The following SYT13 variants were observed in gnomAD, a reference collection of about 807,000 sequenced individuals.
SYT13 encodes the protein synaptotagmin 13, also known as synaptotagmin-13.
SYT13 carries 21 observed loss-of-function variants against 38.6 expected under a neutral mutation model. The ratio of observed to expected loss-of-function variants is 0.54; its 90% CI spans 0.39 to 0.78. The LOEUF (loss-of-function observed/expected upper bound fraction) is 0.78, where lower values mean the gene tolerates loss of function less well. SYT13 is among the 30% of genes least tolerant of loss of function. The pLI is 0.00. For synonymous variants in SYT13, 241 were observed against 237.6 expected, an observed-to-expected ratio of 1.01 and a Z score of -0.13; for missense variants, 495 against 548.7, an observed-to-expected ratio of 0.90 and a Z score of 0.98.
intron 1 of SYT13, among the ~76,000 whole-genome samples, chr11:45,265,545 C>T (rs1458135745): frequency 6.6e-6 from 1 of 152,220 alleles, no homozygotes; most frequent in Non-Finnish European, 1.5e-5. Flanking sequence ...AGTCCAAGAT[C>T]AATGAGCTGG....
Position 45,276,434 on chromosome 11 carries a change from G to A in SYT13, c.183+9591C>T, listed in dbSNP as rs139941897. ...ACATTACACACCGGGACCTGTCAGT[G>A]GGTGGGGGACTAGGGGAGGGATAGC... On this transcript the variant is annotated intron_variant, in intron 1 of 5. Coordinates refer to ENST00000020926, the MANE Select transcript of SYT13 (RefSeq NM_020826.3). 3.8e-3 allele frequency among the ~76,000 whole-genome samples: 573 copies of A among 152,252 alleles called. 10 individuals carry two copies. Among genetic ancestry groups the A allele is most frequent in the African/African-American group, 0.013 (559 of 41,544 alleles).
chr11:45,286,064 C>T lies in SYT13; in HGVS notation c.144G>A (p.Leu48=). The part of the protein sequence containing the change: ...GLLPRDQDPD[L]EKAKPSLLGS... ...CGAGCAAGCTGGGCTTCGCCTTCTC[C>T]AGGTCGGGGTCCTGGTCCCGCGGCA... Residue 48 remains leucine (L), a synonymous_variant, in exon 1 of 6, where the codon CTG becomes CTA. Coordinates refer to ENST00000020926, the MANE Select transcript of SYT13 (RefSeq NM_020826.3). 2 of 1,609,842 alleles carry T rather than the reference C, an allele frequency of 1.2e-6. No individual in the cohort carries two copies. The highest frequency in any genetic ancestry group is 1.7e-6 in the Non-Finnish European group (2 of 1,179,590).
At position 45,254,356 on chromosome 11, in the gene SYT13, G is replaced by A; in HGVS notation, c.458C>T (p.Ala153Val). ...CVMETWNPEK[A>V]ASWNQAPKLH... is the part of the protein sequence containing the mutation. ...TTTGGGGGCCTGGTTCCAACTGGCA[G>A]CCTTCTCTGGGTTCCAGGTCTCCAT... Residue 153 changes from alanine (A) to valine (V), a missense_variant, in exon 3 of 6, where the codon GCT (alanine) becomes GTT (valine). Coordinates refer to ENST00000020926, the MANE Select transcript of SYT13 (RefSeq NM_020826.3). 1 of 1,613,732 alleles carries A rather than the reference G, an allele frequency of 6.2e-7. No homozygotes were observed. The highest frequency in any genetic ancestry group is 8.5e-7 in the Non-Finnish European group (1 of 1,179,868).
intron 1 of SYT13, among the ~76,000 whole-genome samples, chr11:45,271,876 A>G (rs2135905854): frequency 1.3e-5 from 2 of 152,282 alleles, no homozygotes; most frequent in East Asian, 3.9e-4. Flanking sequence ...TTCCCTTTCC[A>G]AAAAAGACAC....
Position 45,252,478 on chromosome 11 carries a change from G to T in SYT13, c.789C>A (p.Asp263Glu). 6.2e-7 allele frequency: 1 copy of T among 1,612,886 alleles called. No individual in the cohort carries two copies. Among genetic ancestry groups the T allele is most frequent in the Non-Finnish European group, 8.5e-7 (1 of 1,179,580 alleles). ...SVAGELRLGL[D>E]GTSVPLGAAQ... ...CAGCCCCTAGAGGCACAGATGTCCC[G>T]TCCAGGCCCAGGCGGAGCTCCCCGG... is the stretch of plus-strand genomic sequence containing the variant. Residue 263 changes from aspartate to glutamate, a missense_variant, in exon 4 of 6, where the codon GAC becomes GAA. Asp to Glu is a conservative substitution (Grantham distance 45). Coordinates refer to ENST00000020926, the MANE Select transcript of SYT13 (RefSeq NM_020826.3). This position sits in a 1 kb window ranked among gnomAD's most constrained non-coding sequence, Gnocchi z 4.3.
intron 1 of SYT13, among the ~76,000 whole-genome samples, chr11:45,284,699 G>T (rs1358288702): frequency 6.6e-6 from 1 of 152,176 alleles, no homozygotes; most frequent in Non-Finnish European, 1.5e-5. Context: ...CAGAAGAGTG[G>T]CTGTTCCTCA....
At position 45,241,788 on chromosome 11, in the gene SYT13, AC is replaced by A; in HGVS notation, c.*2263del. 1 of 152,144 alleles carries A rather than the reference AC, an allele frequency of 6.6e-6. No homozygotes were observed. Among genetic ancestry groups the A allele is most frequent in the Non-Finnish European group, 1.5e-5 (1 of 68,026 alleles). 9.4% of individuals were successfully genotyped at this position (152,144 alleles called of 1,614,324 possible). Reference sequence around the variant, plus strand: ...AAATGTTTTGTTTTCTTTTACCCACACCAACCAAAGAGAAGAAACCAGTATG... The same window carrying A: ...AAATGTTTTGTTTTCTTTTACCCACACAACCAAAGAGAAGAAACCAGTATG... On this transcript the variant is annotated 3_prime_UTR_variant, in exon 6 of 6. Transcript: ENST00000020926.
intron 1 of SYT13, among the ~76,000 whole-genome samples, chr11:45,259,566 G>A (rs536872512): frequency 6.6e-6 from 1 of 152,140 alleles, no homozygotes; most frequent in South Asian, 2.1e-4. Context: ...GCAAAAGATT[G>A]GGCATTTCTT....
rs1854696997 is a variant in SYT13, at chr11:45,252,887, T to A, written c.545-165A>T. On this transcript the variant is annotated intron_variant, in intron 3 of 5. Coordinates refer to ENST00000020926, the MANE Select transcript of SYT13 (RefSeq NM_020826.3). The surrounding 1 kb of genome is among the most constrained non-coding windows in gnomAD (Gnocchi z 4.3). The stretch of plus-strand genomic sequence containing the variant: ...CAGGGAATCGCCTTTCAGTGAGACA[T>A]TTAGAAATAGATCATTTGAGGGGGC... Among the ~76,000 whole-genome samples the A allele has an allele frequency of 6.6e-6, 1 of 152,140 alleles. No individual in the cohort carries two copies. Among genetic ancestry groups the A allele is most frequent in the South Asian group, 2.1e-4 (1 of 4,826 alleles).
At chr11:45,269,116 A>G (rs990934997) in intron 1 of SYT13, among the ~76,000 whole-genome samples, 2 of 152,082 alleles carry the variant, frequency 1.3e-5, no homozygotes, top group Admixed American at 6.6e-5. Flanking sequence ...AGAGACGCTG[A>G]CTTTGGGTTG....
intron 1 of SYT13, among the ~76,000 whole-genome samples, chr11:45,274,853 T>C (rs1192767650): frequency 6.6e-6 from 1 of 152,200 alleles, no homozygotes; most frequent in Admixed American, 6.5e-5. Context: ...TGGTTTATAA[T>C]GCTCTTCCAA....
chr11:45,247,742 A>G lies in SYT13; in HGVS notation c.847-1230T>C, dbSNP rs917518368. ...TTCATTCATTCAGCAAGCATATGCA[A>G]TGCACCTACTATATTCCAGATGCCA... is the stretch of plus-strand genomic sequence containing the variant. On this transcript the variant is annotated intron_variant, in intron 4 of 5. Coordinates refer to ENST00000020926, the MANE Select transcript of SYT13 (RefSeq NM_020826.3). 3.9e-5 allele frequency among the ~76,000 whole-genome samples: 6 copies of G among 152,354 alleles called. No homozygotes were observed. In the South Asian group the frequency reaches 1.2e-3, roughly 32 times the overall value.
intron 1 of SYT13, among the ~76,000 whole-genome samples, chr11:45,279,906 G>GA (rs1440827949): frequency 1.3e-5 from 2 of 152,136 alleles, no homozygotes; most frequent in Non-Finnish European, 2.9e-5. Flanking sequence ...GACTTCAGGA[G>GA]AAAAAACAAC....
intron 4 of SYT13, among the ~76,000 whole-genome samples, chr11:45,247,879 G>T (rs995773315): frequency 6.6e-6 from 1 of 152,230 alleles, no homozygotes. Flanking sequence ...TAAATGCTAT[G>T]AAGAAATATA....
At position 45,275,059 on chromosome 11, in the gene SYT13, A is replaced by T. The variant is rs947337082; in HGVS notation, c.183+10966T>A. On this transcript the variant is annotated intron_variant, in intron 1 of 5. Transcript: ENST00000020926. ...AGCATAGAGATCCTTCGGTGGACTC[A>T]GCACCCTCCCCTGCTTCTCTGTGCC... Among the ~76,000 whole-genome samples, 4 of 152,266 alleles carry T rather than the reference A, an allele frequency of 2.6e-5. No individual in the cohort carries two copies. In the East Asian group the frequency reaches 7.7e-4, roughly 29 times the overall value.
intron 1 of SYT13, among the ~76,000 whole-genome samples, chr11:45,273,084 G>T (rs546926093): frequency 6.6e-6 from 1 of 152,324 alleles, no homozygotes; most frequent in East Asian, 1.9e-4. Flanking sequence ...TTATAACTGG[G>T]TAATTGAGGA....
At chr11:45,282,023 G>T (rs1855080593) in intron 1 of SYT13, among the ~76,000 whole-genome samples, 1 of 152,228 alleles carries the variant, frequency 6.6e-6, no homozygotes, top group Admixed American at 6.5e-5. Flanking sequence ...TGGGCTGAGT[G>T]GCAGCCTGTG....
At chr11:45,258,988 A>T (rs1026915851) in intron 1 of SYT13, among the ~76,000 whole-genome samples, 1 of 152,192 alleles carries the variant, frequency 6.6e-6, no homozygotes, top group African/African-American at 2.4e-5. Context: ...TACAACTGAC[A>T]AGTGGTATGT....
chr11:45,265,247 C>T (rs908959902), intron 1 of SYT13, among the ~76,000 whole-genome samples: 6 of 152,264 alleles, frequency 3.9e-5, no homozygotes, highest in Non-Finnish European at 8.8e-5. Flanking sequence ...TCTACGCATA[C>T]ATACTGCATG....
Sources: gnomAD v4.1 joint callset for allele counts (sites outside exome capture counted in the v4.1 genomes callset) on GRCh38, gnomAD v4.1.1 for gene constraint, Gnocchi (gnomAD v3.1) non-coding constraint, MANE v1.5 for transcripts, NCBI Gene and HGNC (gene_info 2026-07-23, HGNC 2026-07-21) for gene names.